FUT8: variants seen among roughly 807,000 people sequenced by gnomAD.
The protein encoded by FUT8 is alpha-(1,6)-fucosyltransferase.
In FUT8, 29 loss-of-function variants were observed where a neutral mutation model predicts 71.3. The ratio of observed to expected loss-of-function variants is 0.41; its 90% CI spans 0.30 to 0.55. The LOEUF is 0.55. Among genes scored for constraint, FUT8 ranks in the 20% least tolerant of loss-of-function variants. The pLI is 0.34. For synonymous variants in FUT8, 254 were observed against 239.3 expected, an observed-to-expected ratio of 1.06 and a Z score of -0.57; for missense variants, 544 against 702.1, an observed-to-expected ratio of 0.77 and a Z score of 2.55.
the FUT8 span, among the ~76,000 whole-genome samples, chr14:65,388,552 A>G: frequency 1.1e-4 from 16 of 152,302 alleles, no homozygotes; most frequent in African/African-American, 3.4e-4. Flanking sequence ...GCCTGAGCTC[A>G]GGAGTTCAAG....
the FUT8 span, among the ~76,000 whole-genome samples, chr14:65,361,807 CAAATAAAT>C: frequency 2.9e-4 from 39 of 135,750 alleles, no homozygotes; most frequent in East Asian, 6.6e-3. Context: ...AACAAACAAA[CAAATAAAT>C]AAATAAATAA....
chr14:65,654,234 T>G (rs1891549379), intron 6 of FUT8, among the ~76,000 whole-genome samples: 1 of 152,118 alleles, frequency 6.6e-6, no homozygotes, highest in Admixed American at 6.5e-5. Flanking sequence ...AATGGCAAAA[T>G]GTTGAGTAGA....
At chr14:65,373,597 G>C in the FUT8 span, among the ~76,000 whole-genome samples, 1 of 152,102 alleles carries the variant, frequency 6.6e-6, no homozygotes, top group Non-Finnish European at 1.5e-5. Flanking sequence ...GCTCACCTGT[G>C]TGCTTCCCCT....
Position 65,742,305 on chromosome 14 carries a change from A to G in FUT8, c.1623A>G (p.Lys541=), listed in dbSNP as rs757339601. 1.2e-6 allele frequency: 2 copies of G among 1,612,890 alleles called. No individual in the cohort carries two copies. The highest frequency in any genetic ancestry group is 2.7e-5 in the African/African-American group (2 of 74,804). The part of the protein sequence containing the change: ...VAGNHWDGYS[K]GVNRKLGRTG... The stretch of plus-strand genomic sequence containing the variant: ...GAAATCATTGGGATGGCTATTCTAA[A>G]GGTGTCAACAGGAAATTGGGAAGGA... The change falls in exon 11 of 11, where the codon AAA becomes AAG. Residue 541 remains lysine (K), a synonymous_variant. Transcript: ENST00000673929.
intron 7 of FUT8, among the ~76,000 whole-genome samples, chr14:65,699,199 C>CAT (rs1894160717): frequency 1.4e-5 from 2 of 140,976 alleles, no homozygotes; most frequent in Admixed American, 1.4e-4. Context: ...CACACACACA[C>CAT]GCCCATGCAG....
At position 65,535,065 on chromosome 14, in the gene FUT8, A is replaced by G. The variant is rs968086436; in HGVS notation, c.-227-26272A>G. 9.3e-4 allele frequency among the ~76,000 whole-genome samples: 141 copies of G among 150,996 alleles called. 1 individual carries two copies. The highest frequency in any genetic ancestry group is 2.9e-3 in the African/African-American group (122 of 41,384). ...ATATATGTTATATATACATATGTAT[A>G]TAAATGCTATTTTTTAATTTTATTT... On this transcript the variant is annotated intron_variant, in intron 2 of 10. Transcript: ENST00000673929.
rs114245462 is a variant in FUT8, at chr14:65,508,478, T to C, written c.-228+52760T>C. Among the ~76,000 whole-genome samples, 1,335 of 146,058 alleles carry C rather than the reference T, an allele frequency of 9.1e-3. 24 individuals are homozygous for C. Among genetic ancestry groups the C allele is most frequent in the African/African-American group, 0.032 (1,284 of 39,612 alleles). ...AAATTGGATTATTAATTTTTTCCTG[T>C]AGAGTTGTTTGAGTTTTTTTTTTTT... On this transcript the variant is annotated intron_variant, in intron 2 of 10. Transcript: ENST00000673929.
intron 6 of FUT8, among the ~76,000 whole-genome samples, chr14:65,653,668 C>T (rs1891524625): frequency 6.6e-6 from 1 of 152,132 alleles, no homozygotes; most frequent in Non-Finnish European, 1.5e-5. Flanking sequence ...CTCTGGGTTT[C>T]TTATCAGAAA....
chr14:65,582,172 A>G (rs1887129371), intron 3 of FUT8, among the ~76,000 whole-genome samples: 1 of 152,144 alleles, frequency 6.6e-6, no homozygotes, highest in Non-Finnish European at 1.5e-5. Flanking sequence ...ATCCAATTAA[A>G]ATAATATATA....
Position 65,650,355 on chromosome 14 carries a change from G to A in FUT8, c.598-18888G>A, listed in dbSNP as rs1268079431. Among the ~76,000 whole-genome samples, 11 of 130,960 alleles carry A rather than the reference G, an allele frequency of 8.4e-5. 1 individual carries two copies. The highest frequency in any genetic ancestry group is 5.0e-4 in the South Asian group (2 of 3,996). The allele number at this position is 130,960 out of a possible 152,430, so 85.9% of individuals were successfully genotyped here. On this transcript the variant is annotated intron_variant, in intron 6 of 10. Coordinates refer to ENST00000673929, the MANE Select transcript of FUT8 (RefSeq NM_001371533.1). Reference sequence around the variant, plus strand: ...TGAGACTGGGTAATTTATAAAGAAAGGAGGCCTAATTGGTTCACTGTTCTA... The same window carrying A: ...TGAGACTGGGTAATTTATAAAGAAAAGAGGCCTAATTGGTTCACTGTTCTA...
At chr14:65,679,793 A>T (rs977133563) in intron 7 of FUT8, among the ~76,000 whole-genome samples, 3 of 152,242 alleles carry the variant, frequency 2.0e-5, no homozygotes, top group Admixed American at 6.5e-5. Flanking sequence ...GGTCTCTGAC[A>T]GTGTGTCACA....
the FUT8 span, among the ~76,000 whole-genome samples, chr14:65,370,062 A>G: frequency 6.6e-6 from 1 of 151,998 alleles, no homozygotes; most frequent in Non-Finnish European, 1.5e-5. Flanking sequence ...GATAGATGCT[A>G]GTATTATTCT....
At chr14:65,655,301 G>A (rs747946193) in intron 6 of FUT8, among the ~76,000 whole-genome samples, 27 of 151,436 alleles carry the variant, frequency 1.8e-4, no homozygotes, top group Non-Finnish European at 2.7e-4. Context: ...GTGAAACCCC[G>A]TCTCTACTAA....
chr14:65,585,572 C>T (rs1304492212), intron 3 of FUT8, among the ~76,000 whole-genome samples: 3 of 152,174 alleles, frequency 2.0e-5, no homozygotes, highest in Non-Finnish European at 4.4e-5. Context: ...TAAACATGTA[C>T]TTCTAAAAGT....
At chr14:65,716,351 C>T (rs1182396935) in intron 7 of FUT8, among the ~76,000 whole-genome samples, 1 of 147,664 alleles carries the variant, frequency 6.8e-6, no homozygotes, top group Admixed American at 6.7e-5. Context: ...TGAATTGATC[C>T]CTTTATCATT....
At chr14:65,664,260 A>C (rs1178187950) in intron 6 of FUT8, among the ~76,000 whole-genome samples, 1 of 152,148 alleles carries the variant, frequency 6.6e-6, no homozygotes, top group Non-Finnish European at 1.5e-5. Flanking sequence ...CGAGAATATT[A>C]TTTATTCCCA....
chr14:65,711,533 C>T (rs565679599), intron 7 of FUT8, among the ~76,000 whole-genome samples: 1 of 152,152 alleles, frequency 6.6e-6, no homozygotes, highest in South Asian at 2.1e-4. Context: ...TTTCATTCTT[C>T]TTTTTCTTAC....
intron 2 of FUT8, among the ~76,000 whole-genome samples, chr14:65,533,728 C>T (rs1214339289): frequency 6.6e-6 from 1 of 151,730 alleles, no homozygotes; most frequent in Non-Finnish European, 1.5e-5. Context: ...CAGTGTTCAG[C>T]TTTTGCCCAT....
At chr14:65,543,711 A>C (rs148172764) in intron 2 of FUT8, among the ~76,000 whole-genome samples, 2 of 152,224 alleles carry the variant, frequency 1.3e-5, no homozygotes, top group East Asian at 3.9e-4. Context: ...TCAGTGATTG[A>C]GTTTACAAGG....
Sources: allele counts gnomAD v4.1 joint callset (sites outside exome capture counted in the v4.1 genomes callset), GRCh38; gene constraint gnomAD v4.1.1; transcripts MANE v1.5; gene names NCBI Gene and HGNC (gene_info 2026-07-23, HGNC 2026-07-21).